The following USH2A variants were observed in gnomAD, a reference collection of about 807,000 sequenced individuals.
The protein encoded by USH2A is Usher syndrome 2A (autosomal recessive, mild).
Under a neutral mutation model 538.9 loss-of-function variants are expected in USH2A, and 443 were observed. The observed-to-expected ratio is 0.82, with a 90% confidence interval of 0.76 to 0.89. The LOEUF (loss-of-function observed/expected upper bound fraction) is 0.89, where lower values mean the gene tolerates loss of function less well. Ranked by LOEUF, USH2A falls within the 40% of genes least tolerant of loss-of-function variation. The probability of loss-of-function intolerance (pLI) is 0.00; values close to 1 mark genes in which losing one functional copy is unlikely to be tolerated. For synonymous variants in USH2A, 2,413 were observed against 2,273.5 expected (o/e 1.06, Z -1.75); for missense variants, 6,633 against 6,324.8 (o/e 1.05, Z -1.65).
intron 22 of USH2A, among the ~76,000 whole-genome samples, chr1:216,091,810 G>T: frequency 6.6e-6 from 1 of 151,912 alleles, no homozygotes; most frequent in East Asian, 1.9e-4. Context: ...TTCAAAATTT[G>T]GCTATTTTGA....
At chr1:216,152,086 G>T (rs1398338292) in intron 21 of USH2A, among the ~76,000 whole-genome samples, 1 of 151,840 alleles carries the variant, frequency 6.6e-6, no homozygotes, top group South Asian at 2.1e-4. Context: ...GCCCCTAATC[G>T]CACTTGAAGC....
chr1:215,745,055 G>T (rs190473650), intron 58 of USH2A, among the ~76,000 whole-genome samples: 1 of 152,108 alleles, frequency 6.6e-6, no homozygotes, highest in African/African-American at 2.4e-5. Flanking sequence ...AACAGAACTA[G>T]CTGTATTTTC....
At chr1:216,240,330 G>T (rs1558337642) in intron 13 of USH2A, among the ~76,000 whole-genome samples, 1 of 152,082 alleles carries the variant, frequency 6.6e-6, no homozygotes, top group Admixed American at 6.6e-5. Context: ...TATGTGAAAG[G>T]TTGCTTGTGA....
Position 215,645,212 on chromosome 1 carries a change from C to T in USH2A, c.14791+2310G>A, listed in dbSNP as rs543352668. ...TGGGCATGAAGGGAGAAAGGGTGAG[C>T]GGCAGAGGGAGGTTTGGCGAAGGTG... On this transcript the variant is annotated intron_variant, in intron 67 of 71. Coordinates refer to ENST00000307340, the MANE Select transcript of USH2A (RefSeq NM_206933.4). 3.3e-5 allele frequency among the ~76,000 whole-genome samples: 5 copies of T among 152,026 alleles called. 1 individual carries two copies. The South Asian group carries it at 6.2e-4, about 19-fold the overall frequency.
chr1:216,423,084 A>C (rs2039706588), intron 1 of USH2A, 130 bp downstream of exon 1: 1 of 152,194 alleles, frequency 6.6e-6, no homozygotes, highest in Non-Finnish European at 1.5e-5. Flanking sequence ...ACCCAACACC[A>C]TCTGTCTGTC....
intron 44 of USH2A, among the ~76,000 whole-genome samples, chr1:215,866,415 G>A (rs1004333309): frequency 2.6e-5 from 4 of 152,078 alleles, no homozygotes; most frequent in African/African-American, 7.2e-5. Context: ...GTCCAGGGTC[G>A]ACCCTGCATT....
intron 55 of USH2A, among the ~76,000 whole-genome samples, chr1:215,775,189 T>C (rs942065686): frequency 6.6e-6 from 1 of 152,128 alleles, no homozygotes; most frequent in Non-Finnish European, 1.5e-5. Context: ...GAGATCAGGG[T>C]TGGCTTTGTG....
chr1:215,685,199 T>C (rs1457967395), intron 61 of USH2A, among the ~76,000 whole-genome samples: 2 of 152,078 alleles, frequency 1.3e-5, no homozygotes, highest in Non-Finnish European at 2.9e-5. Flanking sequence ...TTCTAGATTT[T>C]TGAAAGCCAG....
chr1:215,997,349 A>G (rs1467635262), intron 34 of USH2A, among the ~76,000 whole-genome samples: 1 of 152,130 alleles, frequency 6.6e-6, no homozygotes, highest in African/African-American at 2.4e-5. Context: ...ATTTGACTCC[A>G]TAGAATAGTG....
chr1:216,355,367 G>GAA (rs1318016998), intron 4 of USH2A, among the ~76,000 whole-genome samples: 2 of 133,800 alleles, frequency 1.5e-5, no homozygotes, highest in Non-Finnish European at 3.4e-5. Context: ...AAGAAAGAAA[G>GAA]AAAGAAAGAA....
intron 49 of USH2A, among the ~76,000 whole-genome samples, chr1:215,801,538 A>C (rs2102781290): frequency 6.6e-6 from 1 of 151,428 alleles, no homozygotes; most frequent in East Asian, 2.0e-4. Flanking sequence ...TTTCATTTAC[A>C]ATAACATCAA....
chr1:216,072,627 A>T, intron 29 of USH2A: 1 of 502,186 alleles, frequency 2.0e-6, no homozygotes. Context: ...CATCCTTAAG[A>T]CAACCTGAAC....
chr1:216,327,940 G>T (rs1369856145), intron 4 of USH2A, among the ~76,000 whole-genome samples: 1 of 152,036 alleles, frequency 6.6e-6, no homozygotes, highest in East Asian at 1.9e-4. Flanking sequence ...CCCTTCCCAA[G>T]TCAAATTTCT....
At chr1:216,351,777 T>C (rs2038292356) in intron 4 of USH2A, among the ~76,000 whole-genome samples, 1 of 151,914 alleles carries the variant, frequency 6.6e-6, no homozygotes, top group Non-Finnish European at 1.5e-5. Context: ...CTAGTGGAAG[T>C]GCTAAGAAGG....
In USH2A at chr1:215,766,717, G is replaced by T; in HGVS notation, c.11011C>A (p.Pro3671Thr). ...GCCTGCAGTGTCTGACCTAGAAAAG[G>T]CTCGCTTGAAGTGCACCCAGCAGAT... The part of the protein sequence containing the change: ...CTSAGCTSSE[P>T]FLGQTLQAAP... The change falls in exon 56 of 72, where the codon CCT (proline) becomes ACT (threonine). Residue 3671 changes from proline to threonine, a missense_variant. Physicochemically the swap from Pro to Thr is conservative, Grantham distance 38. Transcript: ENST00000307340. 1.2e-6 allele frequency: 2 copies of T among 1,613,588 alleles called. No individual in the cohort carries two copies. The highest frequency in any genetic ancestry group is 1.7e-6 in the Non-Finnish European group (2 of 1,179,656).
chr1:215,744,787 G>A (rs191097200), intron 58 of USH2A, among the ~76,000 whole-genome samples: 285 of 152,300 alleles, frequency 1.9e-3, no homozygotes, highest in African/African-American at 6.7e-3. Flanking sequence ...CTGATCAATT[G>A]CTTCCTCAGG....
chr1:216,364,389 T>C (rs1480362651), intron 4 of USH2A, among the ~76,000 whole-genome samples: 1 of 152,198 alleles, frequency 6.6e-6, no homozygotes, highest in Non-Finnish European at 1.5e-5. Flanking sequence ...AAGAAGTTTA[T>C]ATTTGAAAGC....
chr1:215,929,523 C>G (rs1253427441), intron 38 of USH2A, among the ~76,000 whole-genome samples: 4 of 152,002 alleles, frequency 2.6e-5, no homozygotes, highest in African/African-American at 9.7e-5. Context: ...TTATTCTGGT[C>G]TCTGCAGTCT....
At chr1:215,629,596 T>G (rs920718858) in intron 70 of USH2A, among the ~76,000 whole-genome samples, 2 of 151,850 alleles carry the variant, frequency 1.3e-5, no homozygotes. Context: ...CTCCATTTCT[T>G]ATAGGATTCC....
Sources: allele counts gnomAD v4.1 joint callset (sites outside exome capture counted in the v4.1 genomes callset), GRCh38; gene constraint gnomAD v4.1.1; transcripts MANE v1.5; gene names NCBI Gene and HGNC (gene_info 2026-07-23, HGNC 2026-07-21).